The following THNSL1 variants were observed in gnomAD, a reference collection of about 807,000 sequenced individuals.
The protein encoded by THNSL1 is threonine synthase-like 1.
In THNSL1, 48 loss-of-function variants were observed where a neutral mutation model predicts 50.4. The observed-to-expected ratio is 0.95, with a 90% confidence interval of 0.76 to 1.21. THNSL1 has a LOEUF of 1.21. THNSL1 is among the 50% of genes most tolerant of loss of function. THNSL1 has a pLI of 0.00. For missense variants in THNSL1, 896 were observed against 871.7 expected (o/e 1.03, Z -0.35); for synonymous variants, 309 against 306.1 (o/e 1.01, Z -0.10).
chr10:24,988,046 C>T, the THNSL1 span, among the ~76,000 whole-genome samples: 1 of 151,650 alleles, frequency 6.6e-6, no homozygotes, highest in Non-Finnish European at 1.5e-5. Context: ...CACAGCGAAA[C>T]CCCATCTTTA....
the THNSL1 span, among the ~76,000 whole-genome samples, chr10:25,009,650 A>T: frequency 6.6e-6 from 1 of 152,054 alleles, no homozygotes; most frequent in African/African-American, 2.4e-5. Context: ...TCCAAATCTC[A>T]TCTTGAATTG....
the THNSL1 span, among the ~76,000 whole-genome samples, chr10:24,967,133 G>A: frequency 2.0e-5 from 3 of 152,078 alleles, no homozygotes; most frequent in East Asian, 1.9e-4. Context: ...TGGGCTCCAC[G>A]AATTCAGAGC....
At chr10:24,972,671 A>T in the THNSL1 span, among the ~76,000 whole-genome samples, 1 of 152,198 alleles carries the variant, frequency 6.6e-6, no homozygotes, top group Non-Finnish European at 1.5e-5. Context: ...CAATATCAAA[A>T]TGCAGATGAG....
chr10:24,968,889 T>TTTG, the THNSL1 span, among the ~76,000 whole-genome samples: 1 of 152,200 alleles, frequency 6.6e-6, no homozygotes. Flanking sequence ...ATTTGACTTC[T>TTTG]TTGTTGTTGT....
chr10:25,019,211 AC>A (rs1850671089), intron 1 of THNSL1, among the ~76,000 whole-genome samples: 1 of 152,220 alleles, frequency 6.6e-6, no homozygotes, highest in East Asian at 1.9e-4. Flanking sequence ...AGTGGCTCAT[AC>A]CTGCAATCCA....
At chr10:25,015,931 A>C, upstream of THNSL1, 1 of 1,606,476 alleles carries the variant, frequency 6.2e-7, no homozygotes, top group Non-Finnish European at 8.5e-7. Flanking sequence ...AGCACGTTGG[A>C]TCCATGGCCA....
chr10:25,023,859 A>G lies in THNSL1; in HGVS notation c.636A>G (p.Val212=), dbSNP rs745803020. The G allele has an allele frequency of 2.5e-6, 4 of 1,614,116 alleles. No homozygotes were observed. The Admixed American group carries it at 5.0e-5, about 20-fold the overall frequency. The change falls in exon 3 of 3, where the codon GTA becomes GTG. Residue 212 remains valine (V), a synonymous_variant. Transcript: ENST00000376356. Reference sequence around the variant, plus strand: ...AAAGTGGGGCTTCCCCAGAGGAGGTAGCTGACAAAGTGCTGAATGCAATTA... The same window carrying G: ...AAAGTGGGGCTTCCCCAGAGGAGGTGGCTGACAAAGTGCTGAATGCAATTA... ...FCESGASPEE[V]ADKVLNAIKR...
rs1292409466 is a variant in THNSL1 at position 25,021,165 on chromosome 10, C to T, written c.-215-577C>T. 3.9e-5 allele frequency among the ~76,000 whole-genome samples: 6 copies of T among 152,152 alleles called. No homozygotes were observed. The East Asian group carries it at 1.2e-3, about 29-fold the overall frequency. ...CATATTTGGGTTCAATTTATATATT[C>T]CTAGCCCACTGTCAGTGAGTGACAA... On this transcript the variant is annotated intron_variant, in intron 1 of 2. Transcript: ENST00000376356.
At chr10:24,981,416 T>A in the THNSL1 span, among the ~76,000 whole-genome samples, 1 of 152,198 alleles carries the variant, frequency 6.6e-6, no homozygotes, top group Non-Finnish European at 1.5e-5. Flanking sequence ...AGATAAAAGT[T>A]ACCAAATATA....
the THNSL1 span, among the ~76,000 whole-genome samples, chr10:24,966,178 C>T: frequency 1.3e-5 from 2 of 152,236 alleles, no homozygotes; most frequent in African/African-American, 4.8e-5. Context: ...ACTGGAACCT[C>T]TCTGCTGCAT....
the THNSL1 span, among the ~76,000 whole-genome samples, chr10:24,966,340 A>T: frequency 2.0e-5 from 3 of 152,264 alleles, no homozygotes; most frequent in Non-Finnish European, 2.9e-5. Context: ...AATGTGTTGT[A>T]CATGCAACCT....
chr10:25,003,169 A>ATTT, the THNSL1 span, among the ~76,000 whole-genome samples: 10 of 150,120 alleles, frequency 6.7e-5, no homozygotes, highest in East Asian at 2.0e-4. Context: ...TTAATTAATT[A>ATTT]ATTAATTAAT....
chr10:25,019,853 A>G (rs1850682717), intron 1 of THNSL1, among the ~76,000 whole-genome samples: 1 of 152,194 alleles, frequency 6.6e-6, no homozygotes, highest in African/African-American at 2.4e-5. Flanking sequence ...TCATTCAACA[A>G]TATCCTCAAA....
At position 25,024,495 on chromosome 10, in the gene THNSL1, G is replaced by A; in HGVS notation, c.1272G>A (p.Gln424=). 6.2e-7 allele frequency: 1 copy of A among 1,614,194 alleles called. No individual in the cohort carries two copies. Among genetic ancestry groups the A allele is most frequent in the Non-Finnish European group, 8.5e-7 (1 of 1,180,010 alleles). Residue 424 remains glutamine (Q), a synonymous_variant, in exon 3 of 3, where the codon CAG becomes CAA. Coordinates refer to ENST00000376356, the MANE Select transcript of THNSL1 (RefSeq NM_024838.5). ...AAAAAGCACAAATAATTGGCAGTCA[G>A]AGAGAAAATGGATGGGCAGTGGGTG... ...DFQKAQIIGS[Q]RENGWAVGVE...
the THNSL1 span, among the ~76,000 whole-genome samples, chr10:24,985,256 C>T: frequency 1.3e-5 from 2 of 152,040 alleles, no homozygotes; most frequent in Non-Finnish European, 2.9e-5. Flanking sequence ...AGAATGATAT[C>T]CTCGAGTCAA....
chr10:24,999,314 C>G, the THNSL1 span: 19 of 1,298,732 alleles, frequency 1.5e-5, no homozygotes, highest in Admixed American at 4.4e-4. Context: ...ATCACCTGTG[C>G]ATGTTTAATA....
the THNSL1 span, among the ~76,000 whole-genome samples, chr10:24,979,299 G>A: frequency 9.8e-5 from 15 of 152,300 alleles, no homozygotes; most frequent in Admixed American, 2.0e-4. Context: ...GGTATTAATG[G>A]CATTAACATA....
At chr10:24,968,908 T>C in the THNSL1 span, among the ~76,000 whole-genome samples, 1 of 152,224 alleles carries the variant, frequency 6.6e-6, no homozygotes, top group Non-Finnish European at 1.5e-5. Context: ...GTTGTTGTTT[T>C]CTTGAGACGG....
the THNSL1 span, among the ~76,000 whole-genome samples, chr10:24,994,913 T>C: frequency 2.6e-5 from 4 of 151,976 alleles, no homozygotes; most frequent in African/African-American, 4.8e-5. Flanking sequence ...TTCCAGCTAC[T>C]TGGGAGGCTG....
Sources: allele counts gnomAD v4.1 joint callset (sites outside exome capture counted in the v4.1 genomes callset), GRCh38; gene constraint gnomAD v4.1.1; transcripts MANE v1.5; gene names NCBI Gene and HGNC (gene_info 2026-07-23, HGNC 2026-07-21).